NAA35: variants seen among roughly 807,000 people sequenced by gnomAD.
NAA35 encodes N-alpha-acetyltransferase 35, NatC auxiliary subunit, also known as MAK10 homolog, amino-acid N-acetyltransferase subunit.
Under a neutral mutation model 101.7 loss-of-function variants are expected in NAA35, and 18 were observed. The ratio of observed to expected loss-of-function variants is 0.18; its 90% CI spans 0.12 to 0.26. The LOEUF (loss-of-function observed/expected upper bound fraction) is 0.26. NAA35 is among the 10% of genes least tolerant of loss of function. NAA35 has a pLI of 1.00. For missense variants in NAA35, 601 were observed against 886.8 expected, an observed-to-expected ratio of 0.68 and a Z score of 4.09; for synonymous variants, 267 against 273.1, an observed-to-expected ratio of 0.98 and a Z score of 0.22.
intron 11 of NAA35, chr9:85,987,124 G>C (rs1462267994): frequency 1.3e-5 from 2 of 152,222 alleles, no homozygotes; most frequent in African/African-American, 4.8e-5. Context: ...AAATACAAGA[G>C]ATAACTAAGA....
intron 15 of NAA35, 99 bp from the exon 16 acceptor site, chr9:86,012,947 T>A: frequency 1.4e-6 from 1 of 710,202 alleles, no homozygotes; most frequent in African/African-American, 1.8e-5. Context: ...ATACACAGCA[T>A]TTTTTTCCCT....
At chr9:86,006,169 C>CA (rs34993101) in intron 13 of NAA35, among the ~76,000 whole-genome samples, 109 of 132,238 alleles carry the variant, frequency 8.2e-4, no homozygotes, top group South Asian at 1.4e-3. Context: ...GACCCCATCT[C>CA]AAAAAAAAAA....
At chr9:86,007,928 C>T (rs748124151) in intron 14 of NAA35, among the ~76,000 whole-genome samples, 8 of 152,124 alleles carry the variant, frequency 5.3e-5, no homozygotes, top group South Asian at 2.1e-4. Context: ...GAAAGATACA[C>T]GATGGCTTTC....
At position 86,015,667 on chromosome 9, in the gene NAA35, A is replaced by G. The variant is rs150857370; in HGVS notation, c.1569-872A>G. The G allele has an allele frequency of 1.0e-4, 87 of 861,162 alleles. No homozygotes were observed. The African/African-American group carries it at 1.5e-3, about 14-fold the overall frequency. The allele number at this position is 861,162 out of a possible 1,614,324, so 53.3% of individuals were successfully genotyped here. ...TGGTATAGAATATCAGCACTCTCTT[A>G]GACATAAATGTATATTAATTTTGAT... On this transcript the variant is annotated intron_variant, in intron 17 of 22. Transcript: ENST00000361671.
chr9:85,996,993 T>C (rs1428631446), intron 12 of NAA35, among the ~76,000 whole-genome samples: 2 of 151,884 alleles, frequency 1.3e-5, no homozygotes, highest in African/African-American at 4.8e-5. Flanking sequence ...ATCTGTCACC[T>C]ACATTGGAGT....
rs781587432 is a variant in NAA35 at position 85,942,293 on chromosome 9, A to G, written c.124+10A>G. 17 of 1,612,486 alleles carry G rather than the reference A, an allele frequency of 1.1e-5. No individual in the cohort carries two copies. Among genetic ancestry groups the G allele is most frequent in the Non-Finnish European group, 1.4e-5 (17 of 1,179,514 alleles). On this transcript the variant is annotated intron_variant, in intron 2 of 22. Coordinates refer to ENST00000361671, the MANE Select transcript of NAA35 (RefSeq NM_024635.4). ...GAAGAAGCTTGTCGAGGTGAGTCTG[A>G]TTTTTGGATTAGAAGTTCAGCATCT...
chr9:85,977,074 G>A (rs949959540), intron 9 of NAA35, among the ~76,000 whole-genome samples: 4 of 152,084 alleles, frequency 2.6e-5, no homozygotes, highest in African/African-American at 9.7e-5. Context: ...ATTTTAATCA[G>A]TCCTTTTTAA....
At chr9:85,990,683 C>T (rs1390280078) in intron 11 of NAA35, among the ~76,000 whole-genome samples, 1 of 152,218 alleles carries the variant, frequency 6.6e-6, no homozygotes, top group Non-Finnish European at 1.5e-5. Flanking sequence ...AAAATTCACT[C>T]CTAATGCCAT....
At chr9:86,004,939 C>G (rs549392732) in intron 13 of NAA35, among the ~76,000 whole-genome samples, 1 of 152,272 alleles carries the variant, frequency 6.6e-6, no homozygotes, top group African/African-American at 2.4e-5. Flanking sequence ...CAGGCCAGCT[C>G]TATGTAGTGT....
intron 22 of NAA35, 64 bp downstream of exon 22, chr9:86,021,033 T>A: frequency 8.4e-7 from 1 of 1,190,722 alleles, no homozygotes; most frequent in African/African-American, 1.5e-5. Flanking sequence ...AGTTTTGCAA[T>A]AAGATGTGTA....
intron 11 of NAA35, among the ~76,000 whole-genome samples, chr9:85,985,292 A>C (rs1254256278): frequency 6.6e-6 from 1 of 152,256 alleles, no homozygotes; most frequent in Non-Finnish European, 1.5e-5. Flanking sequence ...ACATCCAAAC[A>C]AAAAGTTATA....
At position 86,021,754 on chromosome 9, in the gene NAA35, T is replaced by A. The variant is rs565353307; in HGVS notation, c.2119-147T>A. 7.7e-6 allele frequency: 5 copies of A among 653,040 alleles called. No homozygotes were observed. The Admixed American group carries it at 1.6e-4, about 21-fold the overall frequency. 40.5% of individuals were successfully genotyped at this position (653,040 alleles called of 1,614,324 possible). The stretch of plus-strand genomic sequence containing the variant: ...TTTCTTCCAGGTTAGTTCCTACCTT[T>A]TTTGTCATTAACCTAGTTTTTAAAA... On this transcript the variant is annotated intron_variant, in intron 22 of 22. Coordinates refer to ENST00000361671, the MANE Select transcript of NAA35 (RefSeq NM_024635.4).
In NAA35 at chr9:86,024,029, AT is replaced by A. The variant is rs1832678463; in HGVS notation, c.*2073del. On this transcript the variant is annotated 3_prime_UTR_variant, in exon 23 of 23. Transcript: ENST00000361671. The stretch of plus-strand genomic sequence containing the variant: ...TTCTAATTATAAAAACAAATTTGCC[AT>A]TTTATAATTTTTAAAGTAATCTGCC... Among the ~76,000 whole-genome samples the A allele has an allele frequency of 6.6e-6, 1 of 152,240 alleles. No individual in the cohort carries two copies. The highest frequency in any genetic ancestry group is 1.5e-5 in the Non-Finnish European group (1 of 68,032).
Position 85,941,950 on chromosome 9 carries a change from A to G in NAA35, c.-5-205A>G, listed in dbSNP as rs149499902. 1,259 of 1,242,318 alleles carry G rather than the reference A, an allele frequency of 1.0e-3. 22 individuals are homozygous for G. The South Asian group carries it at 0.026, about 26-fold the overall frequency. The allele number at this position is 1,242,318 out of a possible 1,614,324, so 77.0% of individuals were successfully genotyped here. A position where few individuals can be genotyped will look rare whatever the true frequency, so the allele number is the denominator to read the frequency against. On this transcript the variant is annotated intron_variant, in intron 1 of 22. Transcript: ENST00000361671. The stretch of plus-strand genomic sequence containing the variant: ...TATGGGCCCTGGTAGGTGGTGGGCT[A>G]ATAGTAAGCAGCAGGAGTGTTAATT...
chr9:85,968,239 G>T (rs1319055663), intron 6 of NAA35, among the ~76,000 whole-genome samples: 1 of 151,906 alleles, frequency 6.6e-6, no homozygotes, highest in Admixed American at 6.6e-5. Context: ...CCTAAAAATA[G>T]GTATCCTGTC....
At chr9:85,956,233 G>A in intron 2 of NAA35, 127 bp from the exon 3 acceptor site, 1 of 544,842 alleles carries the variant, frequency 1.8e-6, no homozygotes, top group African/African-American at 2.0e-5. Flanking sequence ...GTAGAAATAA[G>A]TATTTCTTAG....
At chr9:86,005,791 T>C (rs1831612284) in intron 13 of NAA35, among the ~76,000 whole-genome samples, 1 of 152,134 alleles carries the variant, frequency 6.6e-6, no homozygotes, top group Admixed American at 6.6e-5. Flanking sequence ...ATTCAATATA[T>C]TAAATATTCA....
chr9:85,990,851 T>G (rs867952206), intron 11 of NAA35, among the ~76,000 whole-genome samples: 1 of 152,142 alleles, frequency 6.6e-6, no homozygotes, highest in Non-Finnish European at 1.5e-5. Flanking sequence ...GGGTGAGGCC[T>G]AGCATGGGCC....
In NAA35 at chr9:85,978,283, A is replaced by T; in HGVS notation, c.779A>T (p.Glu260Val). The T allele has an allele frequency of 6.2e-7, 1 of 1,611,858 alleles. No individual in the cohort carries two copies. The change falls in exon 11 of 23, where the codon GAA becomes GTA. Residue 260 changes from glutamate (E) to valine (V), a missense_variant. By Grantham distance (121) the Glu-to-Val change is moderately radical. Around this residue, in one of 8 missense-constraint regions of NAA35, gnomAD observed 190 missense variants for 223.1 expected, o/e 0.85. Coordinates refer to ENST00000361671, the MANE Select transcript of NAA35 (RefSeq NM_024635.4). The stretch of plus-strand genomic sequence containing the variant: ...ATTTGCTAGACCAGTGCTGTTGCAG[A>T]AGCTCAAAAATTGATGGTTCAAGCA... The part of the protein sequence containing the change: ...FTKKETSAVA[E>V]AQKLMVQAAD...
Sources: allele counts gnomAD v4.1 joint callset (sites outside exome capture counted in the v4.1 genomes callset), GRCh38; gene constraint gnomAD v4.1.1; regional missense constraint gnomAD v4.1.1; transcripts MANE v1.5; gene names NCBI Gene and HGNC (gene_info 2026-07-23, HGNC 2026-07-21).